The following ANKRD33B variants were observed in gnomAD, a reference collection of about 807,000 sequenced individuals.
The protein encoded by ANKRD33B is ankyrin repeat domain 33B.
Under a neutral mutation model 21.5 loss-of-function variants are expected in ANKRD33B, and 6 were observed. That is an observed-to-expected ratio of 0.28 (90% confidence interval 0.15 to 0.55). The LOEUF (loss-of-function observed/expected upper bound fraction) is 0.55. Ranked by LOEUF, ANKRD33B falls within the 20% of genes least tolerant of loss-of-function variation. The probability of loss-of-function intolerance (pLI) is 0.94; values close to 1 mark genes in which losing one functional copy is unlikely to be tolerated. For synonymous variants in ANKRD33B, 347 were observed against 342.4 expected (o/e 1.01, Z -0.15); for missense variants, 698 against 747.2 (o/e 0.93, Z 0.77).
At chr5:10,630,222 G>A (rs1736674266) in intron 2 of ANKRD33B, among the ~76,000 whole-genome samples, 2 of 152,182 alleles carry the variant, frequency 1.3e-5, no homozygotes, top group Admixed American at 6.5e-5. Context: ...GATCTAAACT[G>A]TCCTTGCTCA....
At chr5:10,604,261 G>A (rs1735994485) in intron 1 of ANKRD33B, among the ~76,000 whole-genome samples, 1 of 140,290 alleles carries the variant, frequency 7.1e-6, no homozygotes, top group Non-Finnish European at 1.5e-5. Flanking sequence ...GCGTGATCTC[G>A]GCTCACTGCA....
rs1241148620 is a variant in ANKRD33B, at chr5:10,656,864, G to C, written c.*6751G>C. On this transcript the variant is annotated 3_prime_UTR_variant, in exon 4 of 4. Coordinates refer to ENST00000296657, the MANE Select transcript of ANKRD33B (RefSeq NM_001164440.2). ...CAACACCATATCCTGAGGAAGCCCTGGTATTTCCCCAAGTCTGCCTATGTA... is the reference window on the plus strand; with the variant it reads ...CAACACCATATCCTGAGGAAGCCCTCGTATTTCCCCAAGTCTGCCTATGTA... 6.6e-6 allele frequency: 1 copy of C among 152,254 alleles called. No individual in the cohort carries two copies. Among genetic ancestry groups the C allele is most frequent in the Non-Finnish European group, 1.5e-5 (1 of 68,042 alleles). The allele number at this position is 152,254 out of a possible 1,614,324, so 9.4% of individuals were successfully genotyped here.
At chr5:10,629,231 C>T (rs1203666258) in intron 2 of ANKRD33B, among the ~76,000 whole-genome samples, 3 of 152,134 alleles carry the variant, frequency 2.0e-5, no homozygotes, top group Non-Finnish European at 2.9e-5. Context: ...GGAGCTGTGG[C>T]CCCATGGGGA....
chr5:10,585,421 G>T (rs1735532031), intron 1 of ANKRD33B, among the ~76,000 whole-genome samples: 1 of 152,204 alleles, frequency 6.6e-6, no homozygotes, highest in Non-Finnish European at 1.5e-5. Flanking sequence ...CCTTAACTTA[G>T]ACGTCTTAGG....
At chr5:10,629,105 A>G (rs528168617) in intron 2 of ANKRD33B, among the ~76,000 whole-genome samples, 49 of 152,256 alleles carry the variant, frequency 3.2e-4, no homozygotes, top group Middle Eastern at 3.4e-3. Context: ...AGCAGAGCCC[A>G]TGGAGAGTTT....
intron 1 of ANKRD33B, among the ~76,000 whole-genome samples, chr5:10,606,043 C>T (rs73741402): frequency 1.9e-3 from 283 of 152,286 alleles, no homozygotes; most frequent in African/African-American, 6.4e-3. Context: ...CTTGTATGAT[C>T]ACTGCGTGGA....
chr5:10,608,103 C>A (rs908353351), intron 1 of ANKRD33B, among the ~76,000 whole-genome samples: 1 of 151,032 alleles, frequency 6.6e-6, no homozygotes. Flanking sequence ...ATTCCTAGGA[C>A]TTTGGGAGGC....
At chr5:10,609,598 T>C (rs546630872) in intron 1 of ANKRD33B, among the ~76,000 whole-genome samples, 2 of 151,682 alleles carry the variant, frequency 1.3e-5, no homozygotes, top group Admixed American at 6.6e-5. Context: ...GACAGCACTG[T>C]CCTCAAGTAT....
chr5:10,636,418 C>T (rs972541998), intron 2 of ANKRD33B, among the ~76,000 whole-genome samples: 11 of 151,880 alleles, frequency 7.2e-5, no homozygotes, highest in African/African-American at 2.4e-4. Context: ...TTGAGACCAG[C>T]CTCGGCAACG....
chr5:10,617,394 C>G (rs1484798370), intron 1 of ANKRD33B, among the ~76,000 whole-genome samples: 1 of 152,196 alleles, frequency 6.6e-6, no homozygotes, highest in Non-Finnish European at 1.5e-5. Flanking sequence ...CAACTGCATC[C>G]TCTCAGCTGC....
chr5:10,594,162 TATTG>T (rs1439559921), intron 1 of ANKRD33B, among the ~76,000 whole-genome samples: 4 of 120,072 alleles, frequency 3.3e-5, no homozygotes, highest in African/African-American at 1.8e-4. Flanking sequence ...ATCATGTATT[TATTG>T]ATTGATTGAT....
intron 1 of ANKRD33B, among the ~76,000 whole-genome samples, chr5:10,608,671 A>C (rs1560972392): frequency 6.6e-6 from 1 of 152,052 alleles, no homozygotes; most frequent in Non-Finnish European, 1.5e-5. Flanking sequence ...TGAAAAAAAA[A>C]AAAACTTGAA....
At chr5:10,599,509 C>T (rs1252698474) in intron 1 of ANKRD33B, among the ~76,000 whole-genome samples, 2 of 152,176 alleles carry the variant, frequency 1.3e-5, no homozygotes, top group African/African-American at 4.8e-5. Flanking sequence ...CCCCTCAGCC[C>T]CTGATAACCT....
At chr5:10,586,208 T>A (rs1420346992) in intron 1 of ANKRD33B, among the ~76,000 whole-genome samples, 1 of 152,000 alleles carries the variant, frequency 6.6e-6, no homozygotes, top group African/African-American at 2.4e-5. Flanking sequence ...AATCTGCATA[T>A]ACTCAAGTCC....
At chr5:10,592,637 AG>A (rs1735722212) in intron 1 of ANKRD33B, among the ~76,000 whole-genome samples, 1 of 142,678 alleles carries the variant, frequency 7.0e-6, no homozygotes, top group Non-Finnish European at 1.6e-5. Context: ...AAAAAAAAAA[AG>A]AAGAAGAAAA....
At position 10,564,778 on chromosome 5, in the gene ANKRD33B, T is replaced by C. The variant is rs1488410464; in HGVS notation, c.311T>C (p.Leu104Pro). 6.6e-6 allele frequency: 10 copies of C among 1,525,558 alleles called. No homozygotes were observed. Among genetic ancestry groups the C allele is most frequent in the Non-Finnish European group, 8.8e-6 (10 of 1,140,006 alleles). 94.5% of individuals were successfully genotyped at this position (1,525,558 alleles called of 1,614,324 possible). A position where few individuals can be genotyped will look rare whatever the true frequency, so the allele number is the denominator to read the frequency against. The change falls in exon 1 of 4, where the codon CTG becomes CCG. Residue 104 changes from leucine (L) to proline (P), a missense_variant. Physicochemically the swap from Leu to Pro is moderately conservative, Grantham distance 98. Transcript: ENST00000296657. ...AACAACGTGGGGCTGCTGCGGACGCTGGTGCGGCGCGGGGTGAGCGTCGAG... is the reference window on the plus strand; with the variant it reads ...AACAACGTGGGGCTGCTGCGGACGCCGGTGCGGCGCGGGGTGAGCGTCGAG... Reference protein sequence around the residue: ...CANNVGLLRTLVRRGVSVEEA... With the variant: ...CANNVGLLRTPVRRGVSVEEA...
At chr5:10,596,238 A>G (rs1735814552) in intron 1 of ANKRD33B, among the ~76,000 whole-genome samples, 1 of 152,150 alleles carries the variant, frequency 6.6e-6, no homozygotes, top group African/African-American at 2.4e-5. Flanking sequence ...TGCCATGCCC[A>G]TTGTGGTTTG....
chr5:10,567,993 TTCA>T (rs1735096952), intron 1 of ANKRD33B, among the ~76,000 whole-genome samples: 1 of 152,216 alleles, frequency 6.6e-6, no homozygotes, highest in Non-Finnish European at 1.5e-5. Flanking sequence ...TGTTGAGCTC[TTCA>T]TCTCTGGGCA....
At position 10,649,676 on chromosome 5, in the gene ANKRD33B, G is replaced by A; in HGVS notation, c.1048G>A (p.Ala350Thr). 3 of 1,526,348 alleles carry A rather than the reference G, an allele frequency of 2.0e-6. No individual in the cohort carries two copies. The highest frequency in any genetic ancestry group is 1.8e-6 in the Non-Finnish European group (2 of 1,142,056). The allele number at this position is 1,526,348 out of a possible 1,614,324, so 94.6% of individuals were successfully genotyped here. ...GGTGCAGGAGATCCTGGCGGCGCGG[G>A]CTGCACGGGGCCCCCAGGCGCAGGA... ...LAVQEILAARAARGPQAQEED... is the reference protein window; with the variant it reads ...LAVQEILAARTARGPQAQEED... Residue 350 changes from alanine (A) to threonine (T), a missense_variant, in exon 4 of 4, where the codon GCT becomes ACT. Physicochemically the swap from Ala to Thr is moderately conservative, Grantham distance 58 (BLOSUM62 0). Coordinates refer to ENST00000296657, the MANE Select transcript of ANKRD33B (RefSeq NM_001164440.2).
Sources: allele counts gnomAD v4.1 joint callset (sites outside exome capture counted in the v4.1 genomes callset), GRCh38; gene constraint gnomAD v4.1.1; transcripts MANE v1.5; gene names NCBI Gene and HGNC (gene_info 2026-07-23, HGNC 2026-07-21).